Variants in NTN1 observed in about 807,000 individuals in gnomAD.
NTN1 encodes netrin-1.
In NTN1, 11 loss-of-function variants were observed where a neutral mutation model predicts 54.2. The observed-to-expected ratio is 0.20, with a 90% CI of 0.13 to 0.34. The LOEUF is 0.34. Ranked by LOEUF, NTN1 falls within the 10% of genes least tolerant of loss-of-function variation. NTN1 has a pLI of 1.00. For synonymous variants in NTN1, 371 were observed against 382.0 expected, an observed-to-expected ratio of 0.97 and a Z score of 0.33; for missense variants, 740 against 893.1, an observed-to-expected ratio of 0.83 and a Z score of 2.18.
intron 6 of NTN1, among the ~76,000 whole-genome samples, chr17:9,229,012 G>A (rs1442760529): frequency 1.7e-5 from 1 of 58,906 alleles, no homozygotes; most frequent in African/African-American, 8.5e-5. Flanking sequence ...GACTGTAAGT[G>A]TGACTGTGTG....
At chr17:9,065,206 G>A (rs1217218642) in intron 2 of NTN1, among the ~76,000 whole-genome samples, 1 of 152,152 alleles carries the variant, frequency 6.6e-6, no homozygotes, top group Non-Finnish European at 1.5e-5. Flanking sequence ...TGAAGTGCTG[G>A]GATTACAGGT....
intron 2 of NTN1, among the ~76,000 whole-genome samples, chr17:9,057,924 G>A (rs944910848): frequency 3.3e-5 from 5 of 152,214 alleles, no homozygotes; most frequent in Non-Finnish European, 7.3e-5. Context: ...GTCTCGCTGT[G>A]TTGTCCAGGC....
intron 6 of NTN1, among the ~76,000 whole-genome samples, chr17:9,230,913 C>T (rs1905787930): frequency 6.6e-6 from 1 of 152,068 alleles, no homozygotes; most frequent in Non-Finnish European, 1.5e-5. Flanking sequence ...GCCACAGAGG[C>T]ATCTGATGAA....
At chr17:9,196,196 T>TG (rs1272000205) in intron 5 of NTN1, among the ~76,000 whole-genome samples, 2 of 152,062 alleles carry the variant, frequency 1.3e-5, no homozygotes, top group Non-Finnish European at 2.9e-5. Context: ...ACCCGGGCAA[T>TG]GGGGGGCTGC....
At chr17:9,193,938 A>AAAAAAACAAAAAAAC (rs1555575004) in intron 5 of NTN1, among the ~76,000 whole-genome samples, 1 of 108,306 alleles carries the variant, frequency 9.2e-6, no homozygotes, top group Non-Finnish European at 1.9e-5. Flanking sequence ...AAAAAAAAAA[A>AAAAAAACAAAAAAAC]AAAAAACATT....
At chr17:9,233,922 CT>C (rs1905895890) in intron 6 of NTN1, among the ~76,000 whole-genome samples, 1 of 152,174 alleles carries the variant, frequency 6.6e-6, no homozygotes, top group Non-Finnish European at 1.5e-5. Flanking sequence ...GATTCTACTT[CT>C]GCCCTCCTTG....
In NTN1 at chr17:9,055,515, T is replaced by C. The variant is rs370131811; in HGVS notation, c.1018+32124T>C. On this transcript the variant is annotated intron_variant, in intron 2 of 6. Coordinates refer to ENST00000173229, the MANE Select transcript of NTN1 (RefSeq NM_004822.3). ...AGGAGGGACCATTTGACCTGAGACC[T>C]GAATGAGGAGAAGGAGCCAACCCTG... Among the ~76,000 whole-genome samples, 7 of 152,220 alleles carry C rather than the reference T, an allele frequency of 4.6e-5. No individual in the cohort carries two copies. In the South Asian group the frequency reaches 8.3e-4, roughly 18 times the overall value.
chr17:9,186,484 C>T (rs983808149), intron 5 of NTN1, among the ~76,000 whole-genome samples: 6 of 152,258 alleles, frequency 3.9e-5, no homozygotes, highest in Admixed American at 1.3e-4. Context: ...CAACAGGGAT[C>T]CCGGGTCCTC....
rs58541910 is a variant in NTN1, at chr17:9,210,905, G to GA, written c.1412-10231dup. On this transcript the variant is annotated intron_variant, in intron 5 of 6. Coordinates refer to ENST00000173229, the MANE Select transcript of NTN1 (RefSeq NM_004822.3). The stretch of plus-strand genomic sequence containing the variant: ...TGGGCTACAGAGTGAGACTCCATCT[G>GA]AAAAAAAAAAAAAAAAAAAAAAAAA... Among the ~76,000 whole-genome samples, 114 of 23,492 alleles carry GA rather than the reference G, an allele frequency of 4.9e-3. 37 individuals are homozygous for GA. Among genetic ancestry groups the GA allele is most frequent in the South Asian group, 0.01 (4 of 384 alleles). The allele number at this position is 23,492 out of a possible 152,430, so 15.4% of individuals were successfully genotyped here.
chr17:9,179,244 T>G (rs1020088487), intron 3 of NTN1: 1 of 152,672 alleles, frequency 6.5e-6, no homozygotes, highest in African/African-American at 2.4e-5. Flanking sequence ...GCTGCCTGGC[T>G]GCAAAGTAGG....
At chr17:9,014,324 A>T in the NTN1 span, among the ~76,000 whole-genome samples, 1 of 152,178 alleles carries the variant, frequency 6.6e-6, no homozygotes, top group Admixed American at 6.5e-5. Flanking sequence ...CTAGGGTAAG[A>T]GATCTGGTAG....
chr17:9,021,160 G>T (rs1047784949), upstream of NTN1, among the ~76,000 whole-genome samples: 1 of 151,962 alleles, frequency 6.6e-6, no homozygotes, highest in Non-Finnish European at 1.5e-5. Context: ...CCGCCCGCGC[G>T]CTCCCCCGGG....
the NTN1 span, among the ~76,000 whole-genome samples, chr17:9,005,413 G>GC: frequency 1.3e-5 from 2 of 151,302 alleles, no homozygotes; most frequent in Non-Finnish European, 2.9e-5. Flanking sequence ...ACTTCCAACC[G>GC]CCCCCACCCC....
chr17:9,078,127 G>A (rs1187097795), intron 2 of NTN1, among the ~76,000 whole-genome samples: 2 of 152,134 alleles, frequency 1.3e-5, no homozygotes, highest in African/African-American at 2.4e-5. Context: ...ACTGAGCCTT[G>A]TTCTGCATCA....
intron 2 of NTN1, among the ~76,000 whole-genome samples, chr17:9,114,166 A>AATATATATATATATATATATATATAT (rs34188198): frequency 1.1e-4 from 8 of 74,564 alleles, no homozygotes; most frequent in Non-Finnish European, 2.0e-4. Flanking sequence ...AAAAAAAAAA[A>AATATATATATATATATATATATATAT]ATATATATAT....
At chr17:9,107,802 A>G (rs1265998323) in intron 2 of NTN1, among the ~76,000 whole-genome samples, 1 of 152,080 alleles carries the variant, frequency 6.6e-6, no homozygotes, top group Non-Finnish European at 1.5e-5. Flanking sequence ...CTGTGACAAA[A>G]ACTGCATGGG....
In NTN1 at chr17:9,023,225, G is replaced by C. The variant is rs777268586; in HGVS notation, c.852G>C (p.Arg284=). 5 of 1,565,346 alleles carry C rather than the reference G, an allele frequency of 3.2e-6. No homozygotes were observed. The highest frequency in any genetic ancestry group is 3.6e-5 in the Admixed American group (2 of 55,226). ...YAVSDLQVGG[R]CKCNGHAARC... ...TGTCCGACCTGCAGGTGGGCGGCCG[G>C]TGCAAGTGCAACGGCCACGCGGCCC... Residue 284 remains arginine, a synonymous_variant, in exon 2 of 7, where the codon CGG becomes CGC. Transcript: ENST00000173229.
At chr17:9,042,671 C>T (rs910160352) in intron 2 of NTN1, among the ~76,000 whole-genome samples, 4 of 151,818 alleles carry the variant, frequency 2.6e-5, no homozygotes, top group Admixed American at 2.6e-4. Flanking sequence ...CCTGCAGTCC[C>T]AGCTACTCAG....
intron 2 of NTN1, among the ~76,000 whole-genome samples, chr17:9,076,737 A>G (rs966026063): frequency 4.6e-5 from 7 of 152,250 alleles, no homozygotes; most frequent in Admixed American, 2.6e-4. Flanking sequence ...AACAATTAGA[A>G]TTCAACATGA....
Sources: gnomAD v4.1 joint callset for allele counts (sites outside exome capture counted in the v4.1 genomes callset) on GRCh38, gnomAD v4.1.1 for gene constraint, MANE v1.5 for transcripts, NCBI Gene and HGNC (gene_info 2026-07-23, HGNC 2026-07-21) for gene names.